CHRNB2: variants seen among roughly 807,000 people sequenced by gnomAD.
CHRNB2 encodes the protein cholinergic receptor nicotinic beta 2 subunit, also known as neuronal acetylcholine receptor subunit beta-2.
CHRNB2 carries 33 observed loss-of-function variants against 42.7 expected under a neutral mutation model. The ratio of observed to expected loss-of-function variants is 0.77; its 90% CI spans 0.59 to 1.03. CHRNB2 has a LOEUF of 1.03. Ranked by LOEUF, CHRNB2 falls within the 50% of genes least tolerant of loss-of-function variation. The pLI is 0.00. For missense variants in CHRNB2, 603 were observed against 700.9 expected, an observed-to-expected ratio of 0.86 and a Z score of 1.58; for synonymous variants, 325 against 292.9, an observed-to-expected ratio of 1.11 and a Z score of -1.12.
At chr1:154,575,232 G>C (rs1312054057) in intron 5 of CHRNB2, among the ~76,000 whole-genome samples, 1 of 152,170 alleles carries the variant, frequency 6.6e-6, no homozygotes, top group Non-Finnish European at 1.5e-5. Context: ...CTTAGTAGGG[G>C]GACAGGCATG....
At chr1:154,568,685 G>A (rs1178709514) in intron 1 of CHRNB2, among the ~76,000 whole-genome samples, 1 of 152,012 alleles carries the variant, frequency 6.6e-6, no homozygotes, top group South Asian at 2.1e-4. Context: ...TCTCTGAGGG[G>A]ATGGGGAGGG....
In CHRNB2 at chr1:154,576,674, G is replaced by A. The variant is rs1205596546; in HGVS notation, c.*742G>A. ...CTCAAGGTGTGGGGGGCAAGGCTGAGTATTAGGGGAGCTTCTGAGTTCTGA... is the reference window on the plus strand; with the variant it reads ...CTCAAGGTGTGGGGGGCAAGGCTGAATATTAGGGGAGCTTCTGAGTTCTGA... On this transcript the variant is annotated 3_prime_UTR_variant, in exon 6 of 6. Transcript: ENST00000368476. 6.5e-6 allele frequency: 1 copy of A among 153,358 alleles called. No homozygotes were observed. Among genetic ancestry groups the A allele is most frequent in the Non-Finnish European group, 1.5e-5 (1 of 68,930 alleles). The allele number at this position is 153,358 out of a possible 1,614,324, so 9.5% of individuals were successfully genotyped here.
chr1:154,572,729 A>G (rs1696201739), intron 5 of CHRNB2, among the ~76,000 whole-genome samples: 1 of 152,042 alleles, frequency 6.6e-6, no homozygotes, highest in Non-Finnish European at 1.5e-5. Flanking sequence ...TCCTAAATCA[A>G]TATCCCTGCT....
chr1:154,567,969 AGCGCCCCACCC>A lies in CHRNB2; in HGVS notation c.-72_-62del. ...CGGGCGCGGCTTCAGCACCACGGAC[AGCGCCCCACCC>A]GCGGCCCTCCCCCCGGCGGCGCGCT... On this transcript the variant is annotated 5_prime_UTR_variant, in exon 1 of 6. Coordinates refer to ENST00000368476, the MANE Select transcript of CHRNB2 (RefSeq NM_000748.3). 6 of 1,363,290 alleles carry A rather than the reference AGCGCCCCACCC, an allele frequency of 4.4e-6. No individual in the cohort carries two copies. Among genetic ancestry groups the A allele is most frequent in the Non-Finnish European group, 5.7e-6 (6 of 1,045,644 alleles). The allele number at this position is 1,363,290 out of a possible 1,614,324, so 84.4% of individuals were successfully genotyped here.
rs548833594 is a variant in CHRNB2 at position 154,576,265 on chromosome 1, G to T, written c.*333G>T. 1.7e-4 allele frequency: 72 copies of T among 412,964 alleles called. No individual in the cohort carries two copies. Among genetic ancestry groups the T allele is most frequent in the African/African-American group, 1.4e-3 (70 of 49,022 alleles). 25.6% of individuals were successfully genotyped at this position (412,964 alleles called of 1,614,324 possible). On this transcript the variant is annotated 3_prime_UTR_variant, in exon 6 of 6. Transcript: ENST00000368476. ...AGTGATGGGCAAGGGGCCAGGAAGGGGACAGGATTGTCTGCTGCCTCCAAG... is the reference window on the plus strand; with the variant it reads ...AGTGATGGGCAAGGGGCCAGGAAGGTGACAGGATTGTCTGCTGCCTCCAAG...
rs1696299524 is a variant in CHRNB2 at position 154,577,237 on chromosome 1, C to T, written c.*1305C>T. On this transcript the variant is annotated 3_prime_UTR_variant, in exon 6 of 6. Transcript: ENST00000368476. Reference sequence around the variant, plus strand: ...TGGAAGCTGTACCCTGACTCTGCTTCCAGAGGCCAGCAGATGGTGGGTTAC... The same window carrying T: ...TGGAAGCTGTACCCTGACTCTGCTTTCAGAGGCCAGCAGATGGTGGGTTAC... The T allele has an allele frequency of 6.6e-6, 1 of 152,258 alleles. No homozygotes were observed. The highest frequency in any genetic ancestry group is 1.9e-4 in the East Asian group (1 of 5,200). 9.4% of individuals were successfully genotyped at this position (152,258 alleles called of 1,614,324 possible).
chr1:154,579,246 T>C lies in CHRNB2; in HGVS notation c.*3314T>C, dbSNP rs1696342954. On this transcript the variant is annotated 3_prime_UTR_variant, in exon 6 of 6. Transcript: ENST00000368476. ...ACCTGGGGCTGTTTGTATCCCAGTATTAGCTCCTGTTACTAAGGGTCTGCT... is the reference window on the plus strand; with the variant it reads ...ACCTGGGGCTGTTTGTATCCCAGTACTAGCTCCTGTTACTAAGGGTCTGCT... 6.6e-6 allele frequency: 1 copy of C among 152,134 alleles called. No individual in the cohort carries two copies. The highest frequency in any genetic ancestry group is 1.5e-5 in the Non-Finnish European group (1 of 68,036). The allele number at this position is 152,134 out of a possible 1,614,324, so 9.4% of individuals were successfully genotyped here. A position where few individuals can be genotyped will look rare whatever the true frequency, so the allele number is the denominator to read the frequency against.
In CHRNB2 at chr1:154,567,993, C is replaced by A. The variant is rs565522221; in HGVS notation, c.-52C>A. 40 of 1,480,850 alleles carry A rather than the reference C, an allele frequency of 2.7e-5. No individual in the cohort carries two copies. Among genetic ancestry groups the A allele is most frequent in the Admixed American group, 9.4e-5 (4 of 42,612 alleles). 91.7% of individuals were successfully genotyped at this position (1,480,850 alleles called of 1,614,324 possible). On this transcript the variant is annotated 5_prime_UTR_variant, in exon 1 of 6. Transcript: ENST00000368476. The stretch of plus-strand genomic sequence containing the variant: ...CAGCGCCCCACCCGCGGCCCTCCCC[C>A]CGGCGGCGCGCTCCAGCCGGTGTAG...
chr1:154,579,126 TGAGGAAGGCTACGGCA>T lies in CHRNB2; in HGVS notation c.*3203_*3218del, dbSNP rs371304360. 13 of 152,280 alleles carry T rather than the reference TGAGGAAGGCTACGGCA, an allele frequency of 8.5e-5. No homozygotes were observed. Among genetic ancestry groups the T allele is most frequent in the African/African-American group, 3.1e-4 (13 of 41,546 alleles). The allele number at this position is 152,280 out of a possible 1,614,324, so 9.4% of individuals were successfully genotyped here. A position where few individuals can be genotyped will look rare whatever the true frequency, so the allele number is the denominator to read the frequency against. On this transcript the variant is annotated 3_prime_UTR_variant, in exon 6 of 6. Coordinates refer to ENST00000368476, the MANE Select transcript of CHRNB2 (RefSeq NM_000748.3). ...GCAGCCCCCAGGTGGTGTGTTCTAC[TGAGGAAGGCTACGGCA>T]GAGGAAGGGCAAGACCGTTTCCCCC... is the stretch of plus-strand genomic sequence containing the variant.
rs769654213 is a variant in CHRNB2, at chr1:154,568,065, C to G, written c.21C>G (p.Pro7=). Residue 7 remains proline, a synonymous_variant, in exon 1 of 6, where the codon CCC becomes CCG. Transcript: ENST00000368476. ...GCGGCATGGCCCGGCGCTGCGGCCC[C>G]GTGGCGCTGCTCCTTGGCTTCGGCC... The part of the protein sequence containing the change: MARRCG[P]VALLLGFGLL... The G allele has an allele frequency of 5.6e-6, 9 of 1,602,276 alleles. No homozygotes were observed. The Admixed American group carries it at 1.5e-4, about 27-fold the overall frequency.
At position 154,577,735 on chromosome 1, in the gene CHRNB2, G is replaced by A. The variant is rs937509552; in HGVS notation, c.*1803G>A. The A allele has an allele frequency of 2.6e-5, 4 of 152,220 alleles. No homozygotes were observed. Among genetic ancestry groups the A allele is most frequent in the Non-Finnish European group, 5.9e-5 (4 of 68,058 alleles). The allele number at this position is 152,220 out of a possible 1,614,324, so 9.4% of individuals were successfully genotyped here. A position where few individuals can be genotyped will look rare whatever the true frequency, so the allele number is the denominator to read the frequency against. Reference sequence around the variant, plus strand: ...AACCAAGTCTCCCTTATCAGGAAGAGCTGGGGGAGCTGGGAGGAACATTAC... The same window carrying A: ...AACCAAGTCTCCCTTATCAGGAAGAACTGGGGGAGCTGGGAGGAACATTAC... On this transcript the variant is annotated 3_prime_UTR_variant, in exon 6 of 6. Coordinates refer to ENST00000368476, the MANE Select transcript of CHRNB2 (RefSeq NM_000748.3).
Position 154,567,972 on chromosome 1 carries a change from G to GC in CHRNB2, c.-69dup. On this transcript the variant is annotated 5_prime_UTR_variant, in exon 1 of 6. Transcript: ENST00000368476. Reference sequence around the variant, plus strand: ...GCGCGGCTTCAGCACCACGGACAGCGCCCCACCCGCGGCCCTCCCCCCGGC... The same window carrying GC: ...GCGCGGCTTCAGCACCACGGACAGCGCCCCCACCCGCGGCCCTCCCCCCGGC... 2.2e-6 allele frequency: 3 copies of GC among 1,382,632 alleles called. No homozygotes were observed. In the Middle Eastern group the frequency reaches 7.5e-4, roughly 347 times the overall value. 85.6% of individuals were successfully genotyped at this position (1,382,632 alleles called of 1,614,324 possible).
At position 154,570,350 on chromosome 1, in the gene CHRNB2, T is replaced by C. The variant is rs78921047; in HGVS notation, c.348T>C (p.Asp116=). Residue 116 remains aspartate (D), a synonymous_variant, in exon 4 of 6, where the codon GAT becomes GAC. Transcript: ENST00000368476. ...CTTCCAAACACATCTGGCTCCCAGA[T>C]GTGGTCCTGTACAACAAGTAGGTGC... ...RLPSKHIWLP[D]VVLYNNADGM... is the part of the protein sequence containing the mutation. 3.7e-5 allele frequency: 60 copies of C among 1,608,776 alleles called. 1 individual carries two copies. In the African/African-American group the frequency reaches 6.9e-4, roughly 19 times the overall value.
Position 154,573,811 on chromosome 1 carries a change from C to T in CHRNB2, c.1338+1650C>T, listed in dbSNP as rs374009496. 5.3e-5 allele frequency among the ~76,000 whole-genome samples: 8 copies of T among 152,106 alleles called. No individual in the cohort carries two copies. The East Asian group carries it at 7.7e-4, about 15-fold the overall frequency. ...TTGCCCAGGCTGGAGTGCAGTGGTG[C>T]GACCTCGGCTCACTGCAATCTCCGC... is the stretch of plus-strand genomic sequence containing the variant. On this transcript the variant is annotated intron_variant, in intron 5 of 5. Coordinates refer to ENST00000368476, the MANE Select transcript of CHRNB2 (RefSeq NM_000748.3).
chr1:154,575,640 T>G, intron 5 of CHRNB2, 122 bp from the exon 6 acceptor site: 1 of 1,031,790 alleles, frequency 9.7e-7, no homozygotes. Context: ...TTTAACAAGA[T>G]CATTCTGGGA....
Position 154,576,258 on chromosome 1 carries a change from AG to A in CHRNB2, c.*328del, listed in dbSNP as rs1385003885. On this transcript the variant is annotated 3_prime_UTR_variant, in exon 6 of 6. Transcript: ENST00000368476. ...CCTGAGGAGTGATGGGCAAGGGGCC[AG>A]GAAGGGGACAGGATTGTCTGCTGCC... 6 of 423,040 alleles carry A rather than the reference AG, an allele frequency of 1.4e-5. No homozygotes were observed. The highest frequency in any genetic ancestry group is 4.1e-5 in the African/African-American group (2 of 49,182). 26.2% of individuals were successfully genotyped at this position (423,040 alleles called of 1,614,324 possible).
intron 5 of CHRNB2, among the ~76,000 whole-genome samples, chr1:154,575,497 A>G (rs1438902284): frequency 1.3e-5 from 2 of 152,160 alleles, no homozygotes; most frequent in African/African-American, 4.8e-5. Context: ...TGGTAGGGCT[A>G]TGTTATGGGG....
chr1:154,570,161 G>A (rs1696135190), intron 3 of CHRNB2, 97 bp from the exon 4 acceptor site: 5 of 824,098 alleles, frequency 6.1e-6, no homozygotes, highest in Admixed American at 2.0e-5. Context: ...CTTTTAAAAG[G>A]TCCCTCAAGC....
chr1:154,571,626 T>A lies in CHRNB2; in HGVS notation c.803T>A (p.Leu268Ter). The change falls in exon 5 of 6, where the codon TTG becomes TAG. Residue 268 changes from leucine to a stop codon, truncating the protein, a stop_gained. Transcript: ENST00000368476. LOFTEE classifies it high-confidence loss of function. This position sits in a 1 kb window ranked among gnomAD's most constrained non-coding sequence, Gnocchi z 6.8. ...LPSDCGEKMT[L>*]CISVLLALTV... ...TCCGACTGTGGCGAGAAGATGACGTTGTGCATCTCAGTGCTGCTGGCGCTC... is the reference window on the plus strand; with the variant it reads ...TCCGACTGTGGCGAGAAGATGACGTAGTGCATCTCAGTGCTGCTGGCGCTC... The A allele has an allele frequency of 6.2e-7, 1 of 1,614,228 alleles. No individual in the cohort carries two copies. The highest frequency in any genetic ancestry group is 8.5e-7 in the Non-Finnish European group (1 of 1,180,030).
Sources: gnomAD v4.1 joint callset for allele counts (sites outside exome capture counted in the v4.1 genomes callset) on GRCh38, gnomAD v4.1.1 for gene constraint, Gnocchi (gnomAD v3.1) non-coding constraint, MANE v1.5 for transcripts, NCBI Gene and HGNC (gene_info 2026-07-23, HGNC 2026-07-21) for gene names.